FBXL7: variants seen among roughly 807,000 people sequenced by gnomAD.
FBXL7 encodes F-box/LRR-repeat protein 7.
In FBXL7, 12 loss-of-function variants were observed where a neutral mutation model predicts 38.3. The ratio of observed to expected loss-of-function variants is 0.31; its 90% CI spans 0.20 to 0.51. The LOEUF is 0.51. Ranked by LOEUF, FBXL7 falls within the 20% of genes least tolerant of loss-of-function variation. The pLI is 0.98. For synonymous variants in FBXL7, 297 were observed against 300.9 expected (o/e 0.99, Z 0.13); for missense variants, 567 against 676.4 (o/e 0.84, Z 1.79).
intron 1 of FBXL7, among the ~76,000 whole-genome samples, chr5:15,542,813 C>G (rs902588722): frequency 6.6e-6 from 1 of 152,078 alleles, no homozygotes; most frequent in East Asian, 1.9e-4. Flanking sequence ...AAAACATGAA[C>G]AAGTTTACCC....
chr5:15,917,483 C>T (rs1205964302), intron 2 of FBXL7, among the ~76,000 whole-genome samples: 2 of 152,110 alleles, frequency 1.3e-5, no homozygotes, highest in Non-Finnish European at 2.9e-5. Context: ...CAGCATGTGC[C>T]TGTAGTTCCA....
chr5:15,542,523 A>G (rs1349880423), intron 1 of FBXL7, among the ~76,000 whole-genome samples: 2 of 152,170 alleles, frequency 1.3e-5, no homozygotes, highest in African/African-American at 2.4e-5. Flanking sequence ...TTTTTCCAGT[A>G]TAATTACTAT....
In FBXL7 at chr5:15,569,567, T is replaced by C. The variant is rs567885493; in HGVS notation, c.38-46416T>C. Among the ~76,000 whole-genome samples, 612 of 144,324 alleles carry C rather than the reference T, an allele frequency of 4.2e-3. 4 individuals carry two copies. Among genetic ancestry groups the C allele is most frequent in the African/African-American group, 0.015 (571 of 39,046 alleles). The allele number at this position is 144,324 out of a possible 152,430, so 94.7% of individuals were successfully genotyped here. ...ACAATTTGACTTCCTCTTTTCCTAATTGAATACCCTTTATTTCCTTCTCCT... is the reference window on the plus strand; with the variant it reads ...ACAATTTGACTTCCTCTTTTCCTAACTGAATACCCTTTATTTCCTTCTCCT... On this transcript the variant is annotated intron_variant, in intron 1 of 3. Coordinates refer to ENST00000504595, the MANE Select transcript of FBXL7 (RefSeq NM_012304.5).
intron 2 of FBXL7, among the ~76,000 whole-genome samples, chr5:15,816,650 A>C (rs958971950): frequency 6.6e-6 from 1 of 152,202 alleles, no homozygotes; most frequent in African/African-American, 2.4e-5. Context: ...TGAAATAAAA[A>C]AATTAACTGG....
chr5:15,619,387 G>A (rs76136847), intron 2 of FBXL7, among the ~76,000 whole-genome samples: 1 of 152,116 alleles, frequency 6.6e-6, no homozygotes, highest in African/African-American at 2.4e-5. Flanking sequence ...ATTTCTAGTT[G>A]GGGTGGGATG....
intron 2 of FBXL7, among the ~76,000 whole-genome samples, chr5:15,722,024 G>A (rs1053462356): frequency 1.6e-4 from 24 of 152,074 alleles, no homozygotes; most frequent in African/African-American, 5.5e-4. Flanking sequence ...TAGTAGAGAC[G>A]GGGTTTCATC....
intron 2 of FBXL7, among the ~76,000 whole-genome samples, chr5:15,625,644 ACT>A (rs962165768): frequency 6.6e-6 from 1 of 152,090 alleles, no homozygotes; most frequent in Admixed American, 6.5e-5. Context: ...ACGGAGTGAG[ACT>A]CTGTCTCAAA....
intron 2 of FBXL7, among the ~76,000 whole-genome samples, chr5:15,770,739 A>G (rs1736708200): frequency 6.6e-6 from 1 of 152,246 alleles, no homozygotes; most frequent in East Asian, 1.9e-4. Context: ...AGAGATTGGG[A>G]GGTTGAGGCT....
chr5:15,893,668 C>T (rs1741002071), intron 2 of FBXL7, among the ~76,000 whole-genome samples: 1 of 151,964 alleles, frequency 6.6e-6, no homozygotes, highest in African/African-American at 2.4e-5. Flanking sequence ...TTTAATGTTT[C>T]AAATGCAACT....
In FBXL7 at chr5:15,500,480, C is replaced by T. The variant is rs1220310912; in HGVS notation, c.-197C>T. On this transcript the variant is annotated 5_prime_UTR_variant, in exon 1 of 4. Transcript: ENST00000504595. Reference sequence around the variant, plus strand: ...TGTGCCCGGCCCCGCCTGGAGCCACCGGGGGTGCCAGGAGGGGACGCAGCA... The same window carrying T: ...TGTGCCCGGCCCCGCCTGGAGCCACTGGGGGTGCCAGGAGGGGACGCAGCA... 5 of 690,778 alleles carry T rather than the reference C, an allele frequency of 7.2e-6. No homozygotes were observed. Among genetic ancestry groups the T allele is most frequent in the Middle Eastern group, 4.0e-4 (1 of 2,516 alleles). 42.8% of individuals were successfully genotyped at this position (690,778 alleles called of 1,614,324 possible).
At chr5:15,766,043 T>C (rs867035842) in intron 2 of FBXL7, among the ~76,000 whole-genome samples, 30 of 147,262 alleles carry the variant, frequency 2.0e-4, no homozygotes, top group Admixed American at 1.2e-3. Flanking sequence ...TGTCTGTCTA[T>C]CTACCTACCT....
intron 1 of FBXL7, among the ~76,000 whole-genome samples, chr5:15,540,768 T>C (rs1737716690): frequency 6.6e-6 from 1 of 152,060 alleles, no homozygotes. Flanking sequence ...ATTTTCTCCT[T>C]GTATCTGCAC....
At chr5:15,690,382 C>T (rs914024414) in intron 2 of FBXL7, among the ~76,000 whole-genome samples, 4 of 151,496 alleles carry the variant, frequency 2.6e-5, no homozygotes, top group East Asian at 1.9e-4. Flanking sequence ...GCAGTCCTGA[C>T]GAAATATTTT....
At chr5:15,898,380 A>G (rs1001126493) in intron 2 of FBXL7, among the ~76,000 whole-genome samples, 6 of 152,152 alleles carry the variant, frequency 3.9e-5, no homozygotes, top group African/African-American at 1.2e-4. Flanking sequence ...CCTGGTAGTG[A>G]TATATAGGGG....
chr5:15,547,828 T>C (rs576409910), intron 1 of FBXL7, among the ~76,000 whole-genome samples: 7 of 152,268 alleles, frequency 4.6e-5, no homozygotes, highest in African/African-American at 1.7e-4. Context: ...TGTCAACTAC[T>C]AGTAAAGAAG....
At chr5:15,612,425 C>T (rs867941277) in intron 1 of FBXL7, among the ~76,000 whole-genome samples, 1 of 152,138 alleles carries the variant, frequency 6.6e-6, no homozygotes, top group East Asian at 1.9e-4. Context: ...TATACTCTTT[C>T]TTCATAAACA....
chr5:15,828,431 G>A (rs1372832176), intron 2 of FBXL7, among the ~76,000 whole-genome samples: 1 of 152,122 alleles, frequency 6.6e-6, no homozygotes, highest in Non-Finnish European at 1.5e-5. Context: ...TGAGTGTCTT[G>A]TATTTAATCT....
chr5:15,916,974 G>A (rs924912544), intron 2 of FBXL7, among the ~76,000 whole-genome samples: 1 of 152,168 alleles, frequency 6.6e-6, no homozygotes, highest in Non-Finnish European at 1.5e-5. Context: ...ACTGATGGTA[G>A]TATCACTTTT....
At chr5:15,501,367 C>T (rs917718926) in intron 1 of FBXL7, 3 of 950,510 alleles carry the variant, frequency 3.2e-6, no homozygotes, top group Non-Finnish European at 3.8e-6. Flanking sequence ...TTAAACTCCA[C>T]CTACTCCTAA....
Sources: gnomAD v4.1 joint callset for allele counts (sites outside exome capture counted in the v4.1 genomes callset) on GRCh38, gnomAD v4.1.1 for gene constraint, MANE v1.5 for transcripts, NCBI Gene and HGNC (gene_info 2026-07-23, HGNC 2026-07-21) for gene names.